LCOR: variants seen among roughly 807,000 people sequenced by gnomAD.
LCOR encodes the protein ligand dependent nuclear receptor corepressor.
A neutral mutation model predicts 64.4 loss-of-function variants in LCOR; 14 were observed. That is an observed-to-expected ratio of 0.22 (90% confidence interval 0.14 to 0.34). LCOR has a LOEUF of 0.34. LCOR is among the 10% of genes least tolerant of loss of function. The pLI, the probability that LCOR is intolerant of heterozygous loss-of-function variation, is 1.00. For synonymous variants in LCOR, 643 were observed against 642.5 expected (o/e 1.00, Z -0.01); for missense variants, 1,686 against 1,765.3 (o/e 0.96, Z 0.80).
chr10:96,953,913 C>T (rs932612334), intron 7 of LCOR, among the ~76,000 whole-genome samples: 1 of 152,130 alleles, frequency 6.6e-6, no homozygotes, highest in Non-Finnish European at 1.5e-5. Flanking sequence ...GTAATCATCC[C>T]CTTGGGCATG....
At chr10:96,854,708 C>T (rs1446690071) in intron 2 of LCOR, among the ~76,000 whole-genome samples, 1 of 152,142 alleles carries the variant, frequency 6.6e-6, no homozygotes, top group African/African-American at 2.4e-5. Context: ...TTAATATGTA[C>T]AGTCAATTTG....
intron 2 of LCOR, among the ~76,000 whole-genome samples, chr10:96,848,135 T>C (rs1331198631): frequency 1.3e-5 from 2 of 152,210 alleles, no homozygotes; most frequent in Non-Finnish European, 2.9e-5. Flanking sequence ...TAAGAAATGA[T>C]CCAGATCAAA....
At chr10:96,954,934 T>TTTCC in intron 7 of LCOR, 1 of 1,607,622 alleles carries the variant, frequency 6.2e-7, no homozygotes, top group Non-Finnish European at 8.5e-7. Context: ...CTCACATCAG[T>TTTCC]TTCCTTCCAT....
chr10:96,942,831 C>T (rs1847518492), intron 4 of LCOR, among the ~76,000 whole-genome samples: 1 of 152,092 alleles, frequency 6.6e-6, no homozygotes. Context: ...ACTTAGAACA[C>T]TTATATATGG....
intron 4 of LCOR, among the ~76,000 whole-genome samples, chr10:96,910,902 C>T (rs1209041703): frequency 6.6e-6 from 1 of 152,028 alleles, no homozygotes; most frequent in Non-Finnish European, 1.5e-5. Flanking sequence ...TTATATTTAC[C>T]TTTAAAAACA....
intron 2 of LCOR, among the ~76,000 whole-genome samples, chr10:96,902,087 C>A (rs999229167): frequency 6.6e-6 from 1 of 152,016 alleles, no homozygotes; most frequent in African/African-American, 2.4e-5. Context: ...TCTCCTCCCC[C>A]CAAGCATTTG....
chr10:96,917,040 G>A (rs1206732158), intron 4 of LCOR, among the ~76,000 whole-genome samples: 1 of 152,218 alleles, frequency 6.6e-6, no homozygotes, highest in Non-Finnish European at 1.5e-5. Flanking sequence ...TTCCAGAGAC[G>A]TTTGGTATAG....
chr10:96,832,886 C>A, intron 1 of LCOR: 1 of 676,608 alleles, frequency 1.5e-6, no homozygotes, highest in Non-Finnish European at 1.8e-6. Context: ...CTCCCCCACG[C>A]GCGGGGCGCG....
chr10:96,955,320 G>A, intron 7 of LCOR: 1 of 1,613,926 alleles, frequency 6.2e-7, no homozygotes, highest in South Asian at 1.1e-5. Flanking sequence ...TCCAAAAATG[G>A]CACTTCAAGC....
At chr10:96,893,977 A>G (rs1846493752) in intron 2 of LCOR, among the ~76,000 whole-genome samples, 1 of 152,210 alleles carries the variant, frequency 6.6e-6, no homozygotes, top group Admixed American at 6.5e-5. Context: ...ATGAAGGAAA[A>G]ATAAAGTGAA....
chr10:96,937,574 A>G, intron 4 of LCOR, among the ~76,000 whole-genome samples: 1 of 151,594 alleles, frequency 6.6e-6, no homozygotes. Flanking sequence ...CTGGTCTTGA[A>G]CTCCTGGGCT....
chr10:96,915,706 C>G, intron 4 of LCOR: 2 of 717,524 alleles, frequency 2.8e-6, no homozygotes, highest in Non-Finnish European at 5.1e-6. Flanking sequence ...CAGGGTTATT[C>G]ACCTCCTTGC....
Position 96,985,003 on chromosome 10 carries a change from C to A in LCOR, c.4543C>A (p.Gln1515Lys). The change falls in exon 8 of 8, where the codon CAG becomes AAG. Residue 1515 changes from glutamine to lysine, a missense_variant. Gln to Lys is a moderately conservative substitution (Grantham distance 53). This residue lies in a region of LCOR where 1,293 missense variants were observed against 1,410.4 expected (regional missense o/e 0.92). Transcript: ENST00000421806. ...SRPQKATNRK[Q>K]SSGKTRARPS... Reference sequence around the variant, plus strand: ...GCCTCAGAAAGCCACGAATAGGAAGCAGAGTAGTGGAAAGACTCGGGCCAG... The same window carrying A: ...GCCTCAGAAAGCCACGAATAGGAAGAAGAGTAGTGGAAAGACTCGGGCCAG... The A allele has an allele frequency of 6.2e-7, 1 of 1,614,144 alleles. No homozygotes were observed. The highest frequency in any genetic ancestry group is 8.5e-7 in the Non-Finnish European group (1 of 1,180,040).
intron 7 of LCOR, among the ~76,000 whole-genome samples, chr10:96,976,521 A>G (rs1848041475): frequency 6.6e-6 from 1 of 152,190 alleles, no homozygotes; most frequent in Non-Finnish European, 1.5e-5. Context: ...AGCTTGAGCC[A>G]TATGGCCATG....
At chr10:96,892,968 TTCTTTCTG>T (rs367609334) in intron 2 of LCOR, among the ~76,000 whole-genome samples, 6 of 152,320 alleles carry the variant, frequency 3.9e-5, no homozygotes, top group African/African-American at 1.4e-4. Context: ...CATTTTATAT[TTCTTTCTG>T]TCTGTCTTAT....
chr10:96,952,518 C>T (rs1214994402), intron 7 of LCOR, among the ~76,000 whole-genome samples: 4 of 151,962 alleles, frequency 2.6e-5, no homozygotes, highest in Non-Finnish European at 2.9e-5. Flanking sequence ...TGTGCTGAAG[C>T]TGTTTAATGA....
At position 96,995,189 on chromosome 10, in the gene LCOR, G is replaced by T. The variant is rs1848232475; in HGVS notation, c.*10055G>T. On this transcript the variant is annotated 3_prime_UTR_variant, in exon 8 of 8. Transcript: ENST00000421806. The surrounding 1 kb of genome is among the most constrained non-coding windows in gnomAD (Gnocchi z 4.2). ...TACCGTTCCTTTAAAGGTCTTTCTG[G>T]TTCCTCCCAGTGTTGTCATTGCTGA... is the stretch of plus-strand genomic sequence containing the variant. The T allele has an allele frequency of 6.6e-6, 1 of 152,222 alleles. No homozygotes were observed. The highest frequency in any genetic ancestry group is 2.1e-4 in the South Asian group (1 of 4,830). 9.4% of individuals were successfully genotyped at this position (152,222 alleles called of 1,614,324 possible).
chr10:96,854,193 A>G lies in LCOR; in HGVS notation c.-330+20714A>G, dbSNP rs1845766421. Among the ~76,000 whole-genome samples, 3 of 148,076 alleles carry G rather than the reference A, an allele frequency of 2.0e-5. 1 individual carries two copies. The South Asian group carries it at 6.3e-4, about 31-fold the overall frequency. On this transcript the variant is annotated intron_variant, in intron 2 of 7. Transcript: ENST00000421806. ...ATGAGATAGCTCGTTGACTAAATGAATATCTTACTGGCTAAATCACATAAT... is the reference window on the plus strand; with the variant it reads ...ATGAGATAGCTCGTTGACTAAATGAGTATCTTACTGGCTAAATCACATAAT...
chr10:96,847,028 A>T (rs916669858), intron 2 of LCOR, among the ~76,000 whole-genome samples: 2 of 152,170 alleles, frequency 1.3e-5, no homozygotes, highest in Non-Finnish European at 2.9e-5. Context: ...GGATTGCTGG[A>T]GCCCAGGAGT....
Sources: allele counts gnomAD v4.1 joint callset (sites outside exome capture counted in the v4.1 genomes callset), GRCh38; gene constraint gnomAD v4.1.1; regional missense constraint gnomAD v4.1.1; non-coding constraint Gnocchi (gnomAD v3.1); transcripts MANE v1.5; gene names NCBI Gene and HGNC (gene_info 2026-07-23, HGNC 2026-07-21).